The following AGPS variants were observed in gnomAD, a reference collection of about 807,000 sequenced individuals.
The protein encoded by AGPS is alkylglycerone phosphate synthase.
Under a neutral mutation model 90.7 loss-of-function variants are expected in AGPS, and 26 were observed. The ratio of observed to expected loss-of-function variants is 0.29; its 90% CI spans 0.21 to 0.40. The LOEUF (loss-of-function observed/expected upper bound fraction) is 0.40. AGPS is among the 10% of genes least tolerant of loss of function. AGPS has a pLI of 1.00. For missense variants in AGPS, 540 were observed against 816.1 expected (o/e 0.66, Z 4.12); for synonymous variants, 294 against 285.3 (o/e 1.03, Z -0.31).
intron 8 of AGPS, among the ~76,000 whole-genome samples, chr2:177,455,375 T>G (rs1029032702): frequency 2.0e-5 from 3 of 152,224 alleles, no homozygotes; most frequent in Non-Finnish European, 4.4e-5. Context: ...TAGGGTCAAG[T>G]CACAGTGCTC....
At position 177,517,678 on chromosome 2, in the gene AGPS, T is replaced by TA. The variant is rs376504623; in HGVS notation, c.1698-3582dup. Reference sequence around the variant, plus strand: ...ATTTTGGGGGAGGTGTAACTAGACTTAAAAAAAAATAGTATTGTACAAATA... The same window carrying TA: ...ATTTTGGGGGAGGTGTAACTAGACTTAAAAAAAAAATAGTATTGTACAAATA... On this transcript the variant is annotated intron_variant, in intron 17 of 19. Coordinates refer to ENST00000264167, the MANE Select transcript of AGPS (RefSeq NM_003659.4). Among the ~76,000 whole-genome samples, 250 of 151,222 alleles carry TA rather than the reference T, an allele frequency of 1.7e-3. 1 individual carries two copies. The highest frequency in any genetic ancestry group is 5.3e-3 in the African/African-American group (220 of 41,252).
At chr2:177,507,111 T>C (rs1427028184) in intron 15 of AGPS, among the ~76,000 whole-genome samples, 1 of 152,128 alleles carries the variant, frequency 6.6e-6, no homozygotes, top group Non-Finnish European at 1.5e-5. Context: ...TCTAAATATA[T>C]TTTTACTGAA....
At chr2:177,487,340 C>T (rs533989050) in intron 11 of AGPS, among the ~76,000 whole-genome samples, 9 of 152,176 alleles carry the variant, frequency 5.9e-5, no homozygotes, top group South Asian at 2.1e-4. Flanking sequence ...CTAGTTTCTT[C>T]GAACTAGGTT....
chr2:177,469,853 CAGTT>C (rs1687560857), intron 10 of AGPS, among the ~76,000 whole-genome samples: 1 of 151,452 alleles, frequency 6.6e-6, no homozygotes, highest in Non-Finnish European at 1.5e-5. Flanking sequence ...TTTCTCCCAT[CAGTT>C]AGCCTTTTAA....
chr2:177,442,312 C>T (rs1288772504), intron 6 of AGPS, 95 bp from the exon 7 acceptor site: 3 of 934,832 alleles, frequency 3.2e-6, no homozygotes, highest in Non-Finnish European at 5.3e-6. Context: ...TTTCTAGTGG[C>T]CCTATCTGTA....
At chr2:177,431,127 A>G (rs1164548434) in intron 2 of AGPS, among the ~76,000 whole-genome samples, 2 of 152,176 alleles carry the variant, frequency 1.3e-5, no homozygotes, top group Non-Finnish European at 2.9e-5. Flanking sequence ...ATAAACAGAA[A>G]GAGTACAAAG....
chr2:177,439,281 A>C (rs991914946), intron 5 of AGPS, among the ~76,000 whole-genome samples: 4 of 152,222 alleles, frequency 2.6e-5, no homozygotes, highest in African/African-American at 9.6e-5. Flanking sequence ...CCACAAGTAA[A>C]TATGTAACAT....
intron 12 of AGPS, among the ~76,000 whole-genome samples, chr2:177,493,618 G>A (rs193232228): frequency 1.3e-5 from 2 of 152,248 alleles, no homozygotes; most frequent in Non-Finnish European, 2.9e-5. Flanking sequence ...ACTTCAAATT[G>A]TTCTATGTGG....
intron 5 of AGPS, among the ~76,000 whole-genome samples, chr2:177,439,000 A>ACACACG (rs1686510716): frequency 6.6e-6 from 1 of 151,934 alleles, no homozygotes; most frequent in Admixed American, 6.6e-5. Context: ...ACACACACAC[A>ACACACG]CACAACTGGA....
At chr2:177,438,506 T>G (rs1686487810) in intron 5 of AGPS, among the ~76,000 whole-genome samples, 1 of 152,244 alleles carries the variant, frequency 6.6e-6, no homozygotes, top group South Asian at 2.1e-4. Context: ...GTTTCTTTGC[T>G]TTGTAAAATC....
intron 11 of AGPS, among the ~76,000 whole-genome samples, chr2:177,489,373 C>T (rs929913207): frequency 3.0e-4 from 46 of 151,950 alleles, no homozygotes; most frequent in East Asian, 7.7e-4. Flanking sequence ...CGTGAGCCAC[C>T]GCGCCTGGCC....
chr2:177,442,942 G>A (rs945237660), intron 7 of AGPS, among the ~76,000 whole-genome samples: 7 of 151,416 alleles, frequency 4.6e-5, no homozygotes, highest in African/African-American at 1.7e-4. Flanking sequence ...TTTACCCTCA[G>A]GTATATATGT....
At chr2:177,467,038 C>G (rs1468599332) in intron 9 of AGPS, among the ~76,000 whole-genome samples, 1 of 151,822 alleles carries the variant, frequency 6.6e-6, no homozygotes, top group Non-Finnish European at 1.5e-5. Flanking sequence ...GTTTCCAGCT[C>G]CCGTTGGCTC....
intron 1 of AGPS, among the ~76,000 whole-genome samples, chr2:177,395,803 A>T (rs188413486): frequency 2.0e-5 from 3 of 152,318 alleles, no homozygotes; most frequent in African/African-American, 4.8e-5. Context: ...GTTTTATCAC[A>T]TGGTTGGTTA....
At chr2:177,407,222 G>A (rs1685492441) in intron 1 of AGPS, among the ~76,000 whole-genome samples, 1 of 152,132 alleles carries the variant, frequency 6.6e-6, no homozygotes, top group Non-Finnish European at 1.5e-5. Flanking sequence ...AAAGCCCTTA[G>A]CTTTATAGTG....
At chr2:177,518,525 A>AAT (rs1365107573) in intron 17 of AGPS, among the ~76,000 whole-genome samples, 2 of 152,164 alleles carry the variant, frequency 1.3e-5, no homozygotes, top group Non-Finnish European at 2.9e-5. Context: ...TAATCACATC[A>AAT]ATATCCCACT....
chr2:177,476,272 A>C (rs577804442), intron 10 of AGPS, among the ~76,000 whole-genome samples: 1 of 152,002 alleles, frequency 6.6e-6, no homozygotes, highest in South Asian at 2.1e-4. Flanking sequence ...AGGTTAGGCT[A>C]TTTGAGATTT....
chr2:177,525,038 G>A (rs1023004625), intron 19 of AGPS, among the ~76,000 whole-genome samples: 4 of 152,114 alleles, frequency 2.6e-5, no homozygotes, highest in Non-Finnish European at 4.4e-5. Context: ...AAGATAATAT[G>A]CTCCTCTCTC....
At chr2:177,423,981 A>G (rs989260763) in intron 2 of AGPS, among the ~76,000 whole-genome samples, 20 of 152,006 alleles carry the variant, frequency 1.3e-4, no homozygotes, top group African/African-American at 4.6e-4. Flanking sequence ...GTACATGTGC[A>G]GGATGTGCAG....
Sources: gnomAD v4.1 joint callset for allele counts (sites outside exome capture counted in the v4.1 genomes callset) on GRCh38, gnomAD v4.1.1 for gene constraint, MANE v1.5 for transcripts, NCBI Gene and HGNC (gene_info 2026-07-23, HGNC 2026-07-21) for gene names.